TRPC4: variants seen among roughly 807,000 people sequenced by gnomAD.
The protein encoded by TRPC4 is transient receptor potential cation channel subfamily C member 4, also known as short transient receptor potential channel 4.
TRPC4 carries 49 observed loss-of-function variants against 99.4 expected under a neutral mutation model. The ratio of observed to expected loss-of-function variants is 0.49; its 90% confidence interval spans 0.39 to 0.63. The LOEUF (loss-of-function observed/expected upper bound fraction) is 0.63. TRPC4 is among the 20% of genes least tolerant of loss of function. The pLI is 0.00. For missense variants in TRPC4, 898 were observed against 1,152.9 expected, an observed-to-expected ratio of 0.78 and a Z score of 3.20; for synonymous variants, 454 against 425.9, an observed-to-expected ratio of 1.07 and a Z score of -0.81.
intron 3 of TRPC4, among the ~76,000 whole-genome samples, chr13:37,735,581 G>A (rs1955371124): frequency 6.6e-6 from 1 of 152,150 alleles, no homozygotes; most frequent in Admixed American, 6.5e-5. Context: ...GAAACCTGAT[G>A]ATCTTATTGC....
chr13:37,815,957 T>A (rs1166163245), intron 1 of TRPC4, among the ~76,000 whole-genome samples: 2 of 151,246 alleles, frequency 1.3e-5, no homozygotes, highest in Non-Finnish European at 3.0e-5. Flanking sequence ...ACAATAGTAA[T>A]AAAATCATAC....
chr13:37,657,019 T>C (rs1952261064), intron 6 of TRPC4, among the ~76,000 whole-genome samples: 1 of 152,226 alleles, frequency 6.6e-6, no homozygotes, highest in African/African-American at 2.4e-5. Flanking sequence ...CTGTGAATTC[T>C]AGTGCATATA....
intron 1 of TRPC4, among the ~76,000 whole-genome samples, chr13:37,838,233 T>G (rs190556866): frequency 6.6e-6 from 1 of 152,302 alleles, no homozygotes; most frequent in African/African-American, 2.4e-5. Flanking sequence ...AGAGAACCAT[T>G]GATCTGAGCC....
chr13:37,795,043 T>C (rs1957211920), intron 1 of TRPC4, among the ~76,000 whole-genome samples: 2 of 152,312 alleles, frequency 1.3e-5, no homozygotes, highest in East Asian at 1.9e-4. Flanking sequence ...TTTTTACTTC[T>C]AAAAATAACT....
At position 37,636,002 on chromosome 13, in the gene TRPC4, A is replaced by T. The variant is rs1469533758; in HGVS notation, c.*901T>A. Among the ~76,000 whole-genome samples the T allele has an allele frequency of 3.3e-5, 5 of 152,098 alleles. No individual in the cohort carries two copies. The East Asian group carries it at 9.6e-4, about 29-fold the overall frequency. On this transcript the variant is annotated 3_prime_UTR_variant, in exon 11 of 11. Transcript: ENST00000379705. ...CTGGAATTCAACTTTACTTAGATTT[A>T]GATTGTTAGAATAAATTCATTTTCA...
intron 3 of TRPC4, among the ~76,000 whole-genome samples, chr13:37,731,389 A>G (rs558523706): frequency 2.0e-5 from 3 of 152,204 alleles, no homozygotes; most frequent in Non-Finnish European, 2.9e-5. Flanking sequence ...TAACACAAGA[A>G]GCTGTGAAAA....
At chr13:37,732,729 A>C (rs1410767842) in intron 3 of TRPC4, among the ~76,000 whole-genome samples, 2 of 152,150 alleles carry the variant, frequency 1.3e-5, no homozygotes. Context: ...AAGGTACAAG[A>C]AAAAATACCT....
intron 1 of TRPC4, among the ~76,000 whole-genome samples, chr13:37,850,276 G>T (rs952752149): frequency 3.3e-5 from 5 of 152,138 alleles, no homozygotes; most frequent in Non-Finnish European, 5.9e-5. Flanking sequence ...AGGTCAAATT[G>T]CTACTGCCTC....
chr13:37,726,351 A>G (rs1483540309), intron 3 of TRPC4, among the ~76,000 whole-genome samples: 1 of 152,162 alleles, frequency 6.6e-6, no homozygotes, highest in Non-Finnish European at 1.5e-5. Context: ...ACCACTGAAA[A>G]GCATGGAGAT....
chr13:37,708,383 T>C (rs1243415896), intron 3 of TRPC4, among the ~76,000 whole-genome samples: 1 of 152,122 alleles, frequency 6.6e-6, no homozygotes, highest in Non-Finnish European at 1.5e-5. Flanking sequence ...AATGCAATTT[T>C]TGGTGCATCA....
At chr13:37,694,486 G>T (rs1454162773) in intron 3 of TRPC4, among the ~76,000 whole-genome samples, 1 of 152,138 alleles carries the variant, frequency 6.6e-6, no homozygotes, top group Non-Finnish European at 1.5e-5. Flanking sequence ...TTTCTTAGGA[G>T]AATTTAAGGT....
At chr13:37,718,957 A>C (rs991065884) in intron 3 of TRPC4, among the ~76,000 whole-genome samples, 1 of 152,172 alleles carries the variant, frequency 6.6e-6, no homozygotes, top group Non-Finnish European at 1.5e-5. Context: ...AACAATGAAG[A>C]AAACTATGCC....
chr13:37,672,317 C>G (rs1566085072), intron 5 of TRPC4, among the ~76,000 whole-genome samples: 1 of 152,118 alleles, frequency 6.6e-6, no homozygotes, highest in African/African-American at 2.4e-5. Context: ...AGATGTATAA[C>G]AGCAGTTTCT....
intron 2 of TRPC4, among the ~76,000 whole-genome samples, chr13:37,763,234 C>T (rs1035080320): frequency 8.6e-5 from 13 of 151,046 alleles, no homozygotes; most frequent in African/African-American, 3.2e-4. Flanking sequence ...TGAGGAAGGA[C>T]CAGTAAAAGA....
At chr13:37,659,308 C>T (rs1227133000) in intron 6 of TRPC4, among the ~76,000 whole-genome samples, 1 of 152,128 alleles carries the variant, frequency 6.6e-6, no homozygotes, top group Non-Finnish European at 1.5e-5. Flanking sequence ...CCCTCCCTCG[C>T]TTCCTTCCTC....
rs1951640996 is a variant in TRPC4, at chr13:37,639,293, C to T, written c.2086G>A (p.Ala696Thr). The T allele has an allele frequency of 6.2e-7, 1 of 1,613,624 alleles. No homozygotes were observed. Among genetic ancestry groups the T allele is most frequent in the Admixed American group, 1.7e-5 (1 of 59,992 alleles). ...PESFGTIGRR[A>T]ADNLRRHHQY... ...TGATGTCTTCTCAAGTTATCAGCAGCTCGCCTCTGAAAAGGAAAAGGACAT... is the reference window on the plus strand; with the variant it reads ...TGATGTCTTCTCAAGTTATCAGCAGTTCGCCTCTGAAAAGGAAAAGGACAT... Residue 696 changes from alanine to threonine, a missense_variant, in exon 9 of 11, where the codon GCT becomes ACT. By Grantham distance (58) the Ala-to-Thr change is moderately conservative (BLOSUM62 0). Coordinates refer to ENST00000379705, the MANE Select transcript of TRPC4 (RefSeq NM_016179.4).
At chr13:37,687,055 C>T (rs1953506412) in intron 4 of TRPC4, among the ~76,000 whole-genome samples, 1 of 151,994 alleles carries the variant, frequency 6.6e-6, no homozygotes, top group Non-Finnish European at 1.5e-5. Context: ...ACCTCTGCCT[C>T]CCAGGTTCAA....
At chr13:37,651,597 C>T in intron 7 of TRPC4, 138 bp from the exon 8 acceptor site, 2 of 727,136 alleles carry the variant, frequency 2.8e-6, no homozygotes, top group Non-Finnish European at 4.5e-6. Flanking sequence ...CCACTGACTC[C>T]CAGAGACAGT....
At chr13:37,824,515 A>C (rs1166936967) in intron 1 of TRPC4, among the ~76,000 whole-genome samples, 13 of 152,046 alleles carry the variant, frequency 8.6e-5, no homozygotes, top group East Asian at 3.9e-4. Flanking sequence ...GCCTTTTCTG[A>C]ATCTATTGAG....
Sources: allele counts gnomAD v4.1 joint callset (sites outside exome capture counted in the v4.1 genomes callset), GRCh38; gene constraint gnomAD v4.1.1; transcripts MANE v1.5; gene names NCBI Gene and HGNC (gene_info 2026-07-23, HGNC 2026-07-21).